GRID1: variants seen among roughly 807,000 people sequenced by gnomAD.
The protein encoded by GRID1 is glutamate ionotropic receptor delta type subunit 1.
In GRID1, 28 loss-of-function variants were observed where a neutral mutation model predicts 98.0. That is an observed-to-expected ratio of 0.29 (90% CI 0.21 to 0.39). GRID1 has a LOEUF of 0.39. GRID1 is among the 10% of genes least tolerant of loss of function. GRID1 has a pLI of 1.00. For missense variants in GRID1, 1,111 were observed against 1,340.5 expected (o/e 0.83, Z 2.67); for synonymous variants, 553 against 538.5 (o/e 1.03, Z -0.37).
chr10:85,698,952 G>A (rs1222527719), intron 12 of GRID1, among the ~76,000 whole-genome samples: 3 of 152,122 alleles, frequency 2.0e-5, no homozygotes, highest in Non-Finnish European at 2.9e-5. Context: ...TTGATAAGGT[G>A]TCTGTTCAGA....
intron 12 of GRID1, among the ~76,000 whole-genome samples, chr10:85,651,784 C>A (rs928687465): frequency 2.0e-5 from 3 of 152,208 alleles, no homozygotes; most frequent in Non-Finnish European, 4.4e-5. Flanking sequence ...TGTCATGGTG[C>A]AAGCATGTGT....
At position 86,206,775 on chromosome 10, in the gene GRID1, A is replaced by T; in HGVS notation, c.236-127T>A. 2.5e-6 allele frequency: 2 copies of T among 798,082 alleles called. No homozygotes were observed. The highest frequency in any genetic ancestry group is 3.9e-6 in the Non-Finnish European group (2 of 508,776). The allele number at this position is 798,082 out of a possible 1,614,324, so 49.4% of individuals were successfully genotyped here. On this transcript the variant is annotated intron_variant, in intron 2 of 15. Coordinates refer to ENST00000327946, the MANE Select transcript of GRID1 (RefSeq NM_017551.3). The surrounding 1 kb of genome is among the most constrained non-coding windows in gnomAD (Gnocchi z 4.1). ...CCAAGAGAGGCTGCCTCCCTCCAGG[A>T]CCAAGAACCATCCTGGGCAGGCCAG...
chr10:85,706,402 C>A (rs916910073), intron 12 of GRID1, among the ~76,000 whole-genome samples: 4 of 152,166 alleles, frequency 2.6e-5, no homozygotes, highest in African/African-American at 9.7e-5. Flanking sequence ...ATCCAACTTA[C>A]AAGGGATGTG....
chr10:85,729,674 C>A, intron 8 of GRID1, 60 bp from the exon 9 acceptor site: 2 of 1,012,228 alleles, frequency 2.0e-6, no homozygotes, highest in South Asian at 1.4e-5. Flanking sequence ...CACCATAGGA[C>A]CTCGGCTCCT....
At chr10:86,133,566 A>G (rs1844870494) in intron 4 of GRID1, among the ~76,000 whole-genome samples, 1 of 152,232 alleles carries the variant, frequency 6.6e-6, no homozygotes, top group South Asian at 2.1e-4. Flanking sequence ...TTCAGACCAA[A>G]GCCCTTGCTG....
intron 2 of GRID1, among the ~76,000 whole-genome samples, chr10:86,343,671 G>C (rs1848342470): frequency 6.6e-6 from 1 of 152,244 alleles, no homozygotes; most frequent in Non-Finnish European, 1.5e-5. Flanking sequence ...GCCAGTGTGA[G>C]AGGGTATCCT....
chr10:86,275,721 G>A (rs146533781), intron 2 of GRID1, among the ~76,000 whole-genome samples: 188 of 152,204 alleles, frequency 1.2e-3, no homozygotes, highest in Middle Eastern at 0.01. Context: ...AAATTATCAA[G>A]TCTGAGAATC....
rs937988744 is a variant in GRID1 at position 86,246,502 on chromosome 10, T to C, written c.236-39854A>G. Among the ~76,000 whole-genome samples the C allele has an allele frequency of 2.6e-5, 4 of 152,110 alleles. No individual in the cohort carries two copies. The East Asian group carries it at 7.7e-4, about 29-fold the overall frequency. ...ACAACCCGGCCGCACCTGGGCCAGC[T>C]CACAGGGAAGAGGAGGAGCCTGAGA... is the stretch of plus-strand genomic sequence containing the variant. On this transcript the variant is annotated intron_variant, in intron 2 of 15. Coordinates refer to ENST00000327946, the MANE Select transcript of GRID1 (RefSeq NM_017551.3).
intron 2 of GRID1, among the ~76,000 whole-genome samples, chr10:86,363,400 G>A (rs1472296874): frequency 1.3e-5 from 2 of 152,202 alleles, no homozygotes; most frequent in African/African-American, 4.8e-5. Flanking sequence ...GTGGAGGAGC[G>A]CTGCAGAGAA....
intron 4 of GRID1, among the ~76,000 whole-genome samples, chr10:86,111,476 T>A (rs917205941): frequency 6.6e-6 from 1 of 152,204 alleles, no homozygotes; most frequent in Non-Finnish European, 1.5e-5. Flanking sequence ...ACTGAAGTTA[T>A]TTGGGATCCA....
chr10:86,132,465 C>T (rs1393042176), intron 4 of GRID1, among the ~76,000 whole-genome samples: 3 of 152,208 alleles, frequency 2.0e-5, no homozygotes, highest in Non-Finnish European at 4.4e-5. Flanking sequence ...TGCTAAAGTG[C>T]TAAGGCTTTA....
chr10:86,216,260 T>C (rs1005029173), intron 2 of GRID1, among the ~76,000 whole-genome samples: 23 of 152,246 alleles, frequency 1.5e-4, no homozygotes, highest in Admixed American at 1.3e-3. Context: ...CTGAGGCTCA[T>C]GGCTTTGTGT....
chr10:85,750,990 A>T (rs906477165), intron 8 of GRID1, among the ~76,000 whole-genome samples: 1 of 152,236 alleles, frequency 6.6e-6, no homozygotes, highest in African/African-American at 2.4e-5. Context: ...GTAATTGAAT[A>T]GGAATCTTGT....
chr10:86,326,079 G>C (rs1848045950), intron 2 of GRID1, among the ~76,000 whole-genome samples: 1 of 152,218 alleles, frequency 6.6e-6, no homozygotes, highest in South Asian at 2.1e-4. Context: ...TAGCTTTCGT[G>C]TATGGGAGCA....
chr10:86,145,891 C>T (rs1845083048), intron 3 of GRID1, among the ~76,000 whole-genome samples: 1 of 152,098 alleles, frequency 6.6e-6, no homozygotes, highest in Admixed American at 6.5e-5. Flanking sequence ...ACTTCAGCAG[C>T]CACACGATGA....
chr10:86,331,132 C>A (rs17106584), intron 2 of GRID1, among the ~76,000 whole-genome samples: 8,571 of 152,350 alleles, frequency 0.056, 672 homozygotes, highest in East Asian at 0.42. Context: ...CATCGTCACC[C>A]ATGTAGAGCT....
chr10:85,729,205 AT>A (rs1841795845), intron 9 of GRID1, among the ~76,000 whole-genome samples: 1 of 152,092 alleles, frequency 6.6e-6, no homozygotes, highest in Non-Finnish European at 1.5e-5. Context: ...GTCAAGATCC[AT>A]TTTACATCCA....
chr10:85,877,811 T>C (rs993016984), intron 5 of GRID1, among the ~76,000 whole-genome samples: 5 of 152,138 alleles, frequency 3.3e-5, no homozygotes, highest in Non-Finnish European at 7.3e-5. Flanking sequence ...CTTCAGACGA[T>C]GAAAATACTC....
intron 5 of GRID1, among the ~76,000 whole-genome samples, chr10:85,900,002 A>T (rs1841356798): frequency 6.6e-6 from 1 of 152,228 alleles, no homozygotes; most frequent in Non-Finnish European, 1.5e-5. Flanking sequence ...GCCTCAATGT[A>T]TGTAGCATCC....
Sources: gnomAD v4.1 joint callset for allele counts (sites outside exome capture counted in the v4.1 genomes callset) on GRCh38, gnomAD v4.1.1 for gene constraint, Gnocchi (gnomAD v3.1) non-coding constraint, MANE v1.5 for transcripts, NCBI Gene and HGNC (gene_info 2026-07-23, HGNC 2026-07-21) for gene names.